The following GALNTL6 variants were observed in gnomAD, a reference collection of about 807,000 sequenced individuals.
The protein encoded by GALNTL6 is polypeptide N-acetylgalactosaminyltransferase like 6.
Under a neutral mutation model 73.7 loss-of-function variants are expected in GALNTL6, and 46 were observed. The ratio of observed to expected loss-of-function variants is 0.62; its 90% CI spans 0.49 to 0.80. The LOEUF is 0.80. Among genes scored for constraint, GALNTL6 ranks in the 30% least tolerant of loss-of-function variants. The probability of loss-of-function intolerance (pLI) is 0.00; values close to 1 mark genes in which losing one functional copy is unlikely to be tolerated. For missense variants in GALNTL6, 604 were observed against 755.0 expected (o/e 0.80, Z 2.34); for synonymous variants, 259 against 263.7 (o/e 0.98, Z 0.17).
intron 9 of GALNTL6, among the ~76,000 whole-genome samples, chr4:172,945,849 G>C (rs1192764001): frequency 6.6e-6 from 1 of 152,140 alleles, no homozygotes; most frequent in African/African-American, 2.4e-5. Flanking sequence ...ATTGTAGTGA[G>C]GTTGGGGCTG....
chr4:171,919,507 C>G (rs1455555190), intron 2 of GALNTL6, among the ~76,000 whole-genome samples: 1 of 151,972 alleles, frequency 6.6e-6, no homozygotes, highest in African/African-American at 2.4e-5. Flanking sequence ...GCATTTCAAA[C>G]AATTAGTCAG....
At chr4:172,101,553 T>C (rs560242605) in intron 2 of GALNTL6, among the ~76,000 whole-genome samples, 1 of 152,332 alleles carries the variant, frequency 6.6e-6, no homozygotes, top group African/African-American at 2.4e-5. Context: ...CTGAGGTCAA[T>C]TGCAGACATG....
At chr4:171,917,513 A>G (rs1737664652) in intron 2 of GALNTL6, among the ~76,000 whole-genome samples, 1 of 152,062 alleles carries the variant, frequency 6.6e-6, no homozygotes, top group Admixed American at 6.6e-5. Context: ...TGGGTCTAGC[A>G]ATGACACCTA....
At chr4:172,214,409 A>G (rs1185134222) in intron 2 of GALNTL6, among the ~76,000 whole-genome samples, 2 of 152,004 alleles carry the variant, frequency 1.3e-5, no homozygotes, top group African/African-American at 2.4e-5. Flanking sequence ...AGATTTATCA[A>G]TTTCATCAAC....
intron 10 of GALNTL6, among the ~76,000 whole-genome samples, chr4:172,959,103 G>A (rs1343795861): frequency 5.9e-5 from 9 of 152,118 alleles, no homozygotes; most frequent in South Asian, 2.1e-4. Flanking sequence ...AGTGCGCTGC[G>A]GGATGGGATA....
At chr4:172,198,755 C>A (rs1214080674) in intron 2 of GALNTL6, among the ~76,000 whole-genome samples, 2 of 152,184 alleles carry the variant, frequency 1.3e-5, no homozygotes, top group African/African-American at 4.8e-5. Context: ...CTTAGAGATG[C>A]TTTAAAATCC....
At chr4:172,908,180 G>A (rs1747006987) in intron 8 of GALNTL6, among the ~76,000 whole-genome samples, 2 of 152,164 alleles carry the variant, frequency 1.3e-5, no homozygotes, top group Non-Finnish European at 2.9e-5. Flanking sequence ...AATTTAAAAC[G>A]TATGAATTGT....
chr4:172,712,250 A>G (rs937340480), intron 5 of GALNTL6, among the ~76,000 whole-genome samples: 1 of 152,180 alleles, frequency 6.6e-6, no homozygotes, highest in Non-Finnish European at 1.5e-5. Context: ...ACAATGTACT[A>G]TAAGTTATTT....
At chr4:172,290,553 C>T (rs1197362360) in intron 3 of GALNTL6, among the ~76,000 whole-genome samples, 1 of 152,016 alleles carries the variant, frequency 6.6e-6, no homozygotes, top group African/African-American at 2.4e-5. Context: ...AATACATTGG[C>T]TCTCCAAGTT....
intron 9 of GALNTL6, among the ~76,000 whole-genome samples, chr4:172,944,885 G>A (rs904999470): frequency 1.3e-5 from 2 of 151,632 alleles, no homozygotes; most frequent in East Asian, 1.9e-4. Context: ...GTGAAACCCC[G>A]TCTCTACTAA....
intron 5 of GALNTL6, among the ~76,000 whole-genome samples, chr4:172,400,075 T>C (rs538096026): frequency 6.6e-6 from 1 of 152,286 alleles, no homozygotes; most frequent in Non-Finnish European, 1.5e-5. Context: ...AAGTGTTAGA[T>C]TTGTGCCCTT....
rs369403357 is a variant in GALNTL6 at position 171,874,710 on chromosome 4, C to T, written c.138+59992C>T. ...TGTCCTAGAACGAAAGGAGCTGAGA[C>T]CTAAAATACTGTGATTTCCACAGAA... On this transcript the variant is annotated intron_variant, in intron 2 of 12. Coordinates refer to ENST00000506823, the MANE Select transcript of GALNTL6 (RefSeq NM_001034845.3). Among the ~76,000 whole-genome samples the T allele has an allele frequency of 2.6e-5, 4 of 152,208 alleles. No individual in the cohort carries two copies. The South Asian group carries it at 6.2e-4, about 24-fold the overall frequency.
intron 3 of GALNTL6, among the ~76,000 whole-genome samples, chr4:172,295,347 A>T (rs1452598188): frequency 6.6e-6 from 1 of 151,598 alleles, no homozygotes. Flanking sequence ...ACTTGAACCC[A>T]GGAGGTGGAG....
intron 12 of GALNTL6, among the ~76,000 whole-genome samples, chr4:173,023,743 AT>A (rs10708083): frequency 0.082 from 12,415 of 152,196 alleles, 975 homozygotes; most frequent in African/African-American, 0.2. Flanking sequence ...ATGGTATCTG[AT>A]TAAAAATGAA....
intron 2 of GALNTL6, among the ~76,000 whole-genome samples, chr4:172,067,683 C>A (rs1731406103): frequency 9.1e-6 from 1 of 109,906 alleles, no homozygotes; most frequent in African/African-American, 3.4e-5. Flanking sequence ...TCACTGTTAC[C>A]CACACAATGG....
intron 2 of GALNTL6, among the ~76,000 whole-genome samples, chr4:171,932,314 A>G (rs1738209388): frequency 6.6e-6 from 1 of 152,264 alleles, no homozygotes; most frequent in South Asian, 2.1e-4. Context: ...ATGAAGTTAC[A>G]ATACATAACC....
chr4:173,016,452 C>T (rs994909784), intron 11 of GALNTL6, among the ~76,000 whole-genome samples: 1 of 152,194 alleles, frequency 6.6e-6, no homozygotes, highest in African/African-American at 2.4e-5. Context: ...CCATGGAAGC[C>T]CACTTCTTGC....
chr4:172,447,821 G>A (rs1213435649), intron 5 of GALNTL6, among the ~76,000 whole-genome samples: 2 of 151,864 alleles, frequency 1.3e-5, no homozygotes. Context: ...CCAAGACTAG[G>A]GTTTTAAAAA....
At chr4:171,898,654 AG>A (rs1201973886) in intron 2 of GALNTL6, among the ~76,000 whole-genome samples, 3 of 152,116 alleles carry the variant, frequency 2.0e-5, no homozygotes, top group African/African-American at 7.2e-5. Flanking sequence ...AAAAAATTAT[AG>A]GTACAGAAAC....
Sources: allele counts gnomAD v4.1 joint callset (sites outside exome capture counted in the v4.1 genomes callset), GRCh38; gene constraint gnomAD v4.1.1; transcripts MANE v1.5; gene names NCBI Gene and HGNC (gene_info 2026-07-23, HGNC 2026-07-21).